MTFR1: variants seen among roughly 807,000 people sequenced by gnomAD.
The protein encoded by MTFR1 is mitochondrial fission regulator 1, also known as chondrocyte protein with a poly-proline region.
MTFR1 carries 28 observed loss-of-function variants against 38.8 expected under a neutral mutation model. That is an observed-to-expected ratio of 0.72 (90% CI 0.53 to 0.99). The LOEUF (loss-of-function observed/expected upper bound fraction) is 0.99, where lower values mean the gene tolerates loss of function less well. Among genes scored for constraint, MTFR1 ranks in the 50% least tolerant of loss-of-function variants. The pLI is 0.00. For synonymous variants in MTFR1, 145 were observed against 137.0 expected, an observed-to-expected ratio of 1.06 and a Z score of -0.41; for missense variants, 358 against 395.5, an observed-to-expected ratio of 0.91 and a Z score of 0.81.
At chr8:65,656,877 C>T (rs1809283984) in intron 1 of MTFR1, among the ~76,000 whole-genome samples, 2 of 152,006 alleles carry the variant, frequency 1.3e-5, no homozygotes, top group African/African-American at 2.4e-5. Context: ...AACTGCAGGC[C>T]TCAAGTGATT....
intron 3 of MTFR1, among the ~76,000 whole-genome samples, chr8:65,683,323 G>A (rs1804966015): frequency 6.6e-6 from 1 of 151,638 alleles, no homozygotes; most frequent in South Asian, 2.1e-4. Context: ...GTAGAGATGG[G>A]GTTTCACCAT....
intron 4 of MTFR1, among the ~76,000 whole-genome samples, chr8:65,704,055 A>G (rs572580694): frequency 1.3e-5 from 2 of 152,248 alleles, no homozygotes; most frequent in Admixed American, 1.3e-4. Flanking sequence ...GGGCTCTTAA[A>G]CCTTCATAGG....
chr8:65,766,577 T>C (rs1808796464), intron 3 of MTFR1, among the ~76,000 whole-genome samples: 1 of 152,190 alleles, frequency 6.6e-6, no homozygotes, highest in Admixed American at 6.5e-5. Flanking sequence ...CACCTTTCAG[T>C]GTAAACCACT....
intron 2 of MTFR1, chr8:65,719,129 T>C (rs1806269461): frequency 1.6e-6 from 1 of 613,050 alleles, no homozygotes. Flanking sequence ...AACAAGTGGG[T>C]TCAAATGATC....
At chr8:65,767,067 G>GT (rs971310560) in intron 3 of MTFR1, among the ~76,000 whole-genome samples, 1 of 152,048 alleles carries the variant, frequency 6.6e-6, no homozygotes, top group Non-Finnish European at 1.5e-5. Context: ...ACTGAATCTT[G>GT]TTTTTTAAAA....
At chr8:65,668,164 ATTTTCTTTTTTTTTT>A (rs898730451) in intron 1 of MTFR1, among the ~76,000 whole-genome samples, 5 of 143,058 alleles carry the variant, frequency 3.5e-5, no homozygotes, top group South Asian at 2.2e-4. Flanking sequence ...TTTGAGCAAG[ATTTTCTTTTTTTTTT>A]TTTTCTTTTT....
chr8:65,707,913 A>G lies in MTFR1; in HGVS notation c.835A>G (p.Lys279Glu), dbSNP rs756548574. The G allele has an allele frequency of 1.2e-6, 2 of 1,614,174 alleles. No homozygotes were observed. Among genetic ancestry groups the G allele is most frequent in the South Asian group, 1.1e-5 (1 of 91,080 alleles). ...DPAALIAEAL[K>E]KKFAYRYRSD... is the part of the protein sequence containing the mutation. ...TGCTGCCCTCATAGCAGAGGCTCTGAAAAAGAAATTTGCTTATCGGTATCG... is the reference window on the plus strand; with the variant it reads ...TGCTGCCCTCATAGCAGAGGCTCTGGAAAAGAAATTTGCTTATCGGTATCG... Residue 279 changes from lysine to glutamate, a missense_variant, in exon 7 of 8, where the codon AAA becomes GAA. By Grantham distance (56) the Lys-to-Glu change is moderately conservative. Transcript: ENST00000262146.
rs547188063 is a variant in MTFR1, at chr8:65,684,382, A to T, written c.165+1931A>T. 1.8e-4 allele frequency among the ~76,000 whole-genome samples: 28 copies of T among 151,454 alleles called. 1 individual carries two copies. In the South Asian group the frequency reaches 5.9e-3, roughly 32 times the overall value. On this transcript the variant is annotated intron_variant, in intron 3 of 7. Coordinates refer to ENST00000262146, the MANE Select transcript of MTFR1 (RefSeq NM_014637.4). ...GTTATAGATTTGTATTTCCAGTTAT[A>T]TTGAGTCTTTTTTTTTTTTTGAGAC... is the stretch of plus-strand genomic sequence containing the variant.
chr8:65,669,130 CA>C (rs1371889065), intron 1 of MTFR1, among the ~76,000 whole-genome samples: 1 of 152,132 alleles, frequency 6.6e-6, no homozygotes, highest in Non-Finnish European at 1.5e-5. Flanking sequence ...TTACAATAGC[CA>C]GGTACTTGCT....
chr8:65,753,905 A>AGG (rs1250993517), intron 3 of MTFR1, among the ~76,000 whole-genome samples: 3 of 152,088 alleles, frequency 2.0e-5, no homozygotes. Context: ...CAAAACTTAA[A>AGG]GTGTATACTG....
At chr8:65,769,338 G>A (rs1267258675) in intron 3 of MTFR1, among the ~76,000 whole-genome samples, 1 of 150,606 alleles carries the variant, frequency 6.6e-6, no homozygotes, top group Non-Finnish European at 1.5e-5. Context: ...GGCCATCTGA[G>A]AAATGACTTA....
At chr8:65,727,205 T>C in intron 3 of MTFR1, 2 of 1,612,664 alleles carry the variant, frequency 1.2e-6, no homozygotes, top group Non-Finnish European at 1.7e-6. Context: ...TTAGTTTTAA[T>C]AAGGAAAGGT....
At chr8:65,750,762 C>G (rs568311288) in intron 3 of MTFR1, among the ~76,000 whole-genome samples, 1 of 152,180 alleles carries the variant, frequency 6.6e-6, no homozygotes, top group South Asian at 2.1e-4. Flanking sequence ...TGGGCAACTT[C>G]TGACAAGTCA....
In MTFR1 at chr8:65,672,166, G is replaced by A. The variant is rs187408072; in HGVS notation, c.66+2148G>A. Among the ~76,000 whole-genome samples the A allele has an allele frequency of 1.3e-5, 2 of 152,320 alleles. 1 individual carries two copies. Among genetic ancestry groups the A allele is most frequent in the Non-Finnish European group, 2.9e-5 (2 of 68,028 alleles). ...AGTCCTTCCTACTAATGGTGGATTA[G>A]CAAGATCTATTTTTAACTTATTGAA... is the stretch of plus-strand genomic sequence containing the variant. On this transcript the variant is annotated intron_variant, in intron 2 of 7. Transcript: ENST00000262146.
chr8:65,693,418 A>G (rs980915390), intron 3 of MTFR1, among the ~76,000 whole-genome samples: 1 of 152,108 alleles, frequency 6.6e-6, no homozygotes, highest in Admixed American at 6.5e-5. Flanking sequence ...AAAAAAATCA[A>G]CTTATAAAAT....
chr8:65,707,963 A>T lies in MTFR1; in HGVS notation c.885A>T (p.Glu295Asp). ...GAAGTGATAGCCAAGATGAAGTTGAAAAAGGAATTCCAAAGTCTGAATCAG... is the reference window on the plus strand; with the variant it reads ...GAAGTGATAGCCAAGATGAAGTTGATAAAGGAATTCCAAAGTCTGAATCAG... ...RYRSDSQDEV[E>D]KGIPKSESEA... The change falls in exon 7 of 8, where the codon GAA (glutamate) becomes GAT (aspartate). Residue 295 changes from glutamate (E) to aspartate (D), a missense_variant. Glu to Asp is a conservative substitution (Grantham distance 45). Coordinates refer to ENST00000262146, the MANE Select transcript of MTFR1 (RefSeq NM_014637.4). 6.2e-7 allele frequency: 1 copy of T among 1,613,918 alleles called. No individual in the cohort carries two copies. The highest frequency in any genetic ancestry group is 8.5e-7 in the Non-Finnish European group (1 of 1,179,988).
chr8:65,778,534 T>C, the MTFR1 span, among the ~76,000 whole-genome samples: 5 of 152,188 alleles, frequency 3.3e-5, no homozygotes, highest in African/African-American at 1.2e-4. Context: ...ACTTGATATA[T>C]ACCCTGACTG....
At chr8:65,661,755 G>C (rs1048231547) in intron 1 of MTFR1, among the ~76,000 whole-genome samples, 1 of 152,108 alleles carries the variant, frequency 6.6e-6, no homozygotes, top group Non-Finnish European at 1.5e-5. Flanking sequence ...CTTGAGGTCA[G>C]GAGTTCAAGA....
intron 4 of MTFR1, among the ~76,000 whole-genome samples, chr8:65,700,479 A>G (rs982887290): frequency 6.6e-6 from 1 of 152,174 alleles, no homozygotes; most frequent in African/African-American, 2.4e-5. Flanking sequence ...GGCATGCACA[A>G]AGTAAGGCCT....
Sources: gnomAD v4.1 joint callset for allele counts (sites outside exome capture counted in the v4.1 genomes callset) on GRCh38, gnomAD v4.1.1 for gene constraint, MANE v1.5 for transcripts, NCBI Gene and HGNC (gene_info 2026-07-23, HGNC 2026-07-21) for gene names.